The following KDM4B variants were observed in gnomAD, a reference collection of about 807,000 sequenced individuals.
The protein encoded by KDM4B is lysine demethylase 4B.
Under a neutral mutation model 125.2 loss-of-function variants are expected in KDM4B, and 32 were observed. The observed-to-expected ratio is 0.26, with a 90% confidence interval of 0.19 to 0.34. The LOEUF (loss-of-function observed/expected upper bound fraction) is 0.34. Ranked by LOEUF, KDM4B falls within the 10% of genes least tolerant of loss-of-function variation. KDM4B has a pLI of 1.00. For synonymous variants in KDM4B, 721 were observed against 677.9 expected, an observed-to-expected ratio of 1.06 and a Z score of -0.99; for missense variants, 1,190 against 1,577.7, an observed-to-expected ratio of 0.75 and a Z score of 4.16.
chr19:5,092,269 A>C (rs1210783360), intron 9 of KDM4B, among the ~76,000 whole-genome samples: 2 of 152,080 alleles, frequency 1.3e-5, no homozygotes, highest in African/African-American at 2.4e-5. Flanking sequence ...CACGGTGCTG[A>C]GCAGTGCCCC....
At chr19:5,090,417 CCCCTCTGTCTCTCTCTCCCCCATCTCTCT>C (rs1568291574) in intron 9 of KDM4B, among the ~76,000 whole-genome samples, 1 of 78,948 alleles carries the variant, frequency 1.3e-5, no homozygotes, top group Non-Finnish European at 2.6e-5. Flanking sequence ...TCCCCCTCTC[CCCCTCTGTCTCTCTCTCCCCCATCTCTCT>C]TCCCCCTCTC....
At position 5,088,611 on chromosome 19, in the gene KDM4B, C is replaced by T. The variant is rs113918691; in HGVS notation, c.918+6107C>T. Among the ~76,000 whole-genome samples the T allele has an allele frequency of 7.2e-3, 1,084 of 151,538 alleles. 16 individuals are homozygous for T. Among genetic ancestry groups the T allele is most frequent in the African/African-American group, 0.022 (907 of 41,316 alleles). Reference sequence around the variant, plus strand: ...TGGGCCAGGGCTGAGCAGAGACCACCGGAGTCCCTGAGGGGGCCCCTGAGG... The same window carrying T: ...TGGGCCAGGGCTGAGCAGAGACCACTGGAGTCCCTGAGGGGGCCCCTGAGG... On this transcript the variant is annotated intron_variant, in intron 9 of 22. Coordinates refer to ENST00000159111, the MANE Select transcript of KDM4B (RefSeq NM_015015.3).
intron 2 of KDM4B, among the ~76,000 whole-genome samples, chr19:5,031,082 C>T (rs1441179241): frequency 5.9e-5 from 9 of 152,216 alleles, no homozygotes; most frequent in South Asian, 2.1e-4. Context: ...CCCTCTGAGC[C>T]GGTGGCTCCC....
At chr19:5,076,933 G>C (rs953274364) in intron 7 of KDM4B, 3 of 178,658 alleles carry the variant, frequency 1.7e-5, no homozygotes, top group African/African-American at 7.1e-5. Flanking sequence ...TGTCTGGGGA[G>C]GTCGGAGGAG....
chr19:5,087,343 G>A (rs2038537824), intron 9 of KDM4B, among the ~76,000 whole-genome samples: 1 of 152,232 alleles, frequency 6.6e-6, no homozygotes, highest in Non-Finnish European at 1.5e-5. Flanking sequence ...TCTGTGTGGG[G>A]GAGGTACGGC....
rs1431376002 is a variant in KDM4B, at chr19:5,153,357, G to A, written c.*1846G>A. ...GGTGCCCCTGCTGCCCTTGTCCCTTGGGGGTCACACCCATCCCCTGGTGGG... is the reference window on the plus strand; with the variant it reads ...GGTGCCCCTGCTGCCCTTGTCCCTTAGGGGTCACACCCATCCCCTGGTGGG... On this transcript the variant is annotated 3_prime_UTR_variant, in exon 23 of 23. Coordinates refer to ENST00000159111, the MANE Select transcript of KDM4B (RefSeq NM_015015.3). The A allele has an allele frequency of 6.6e-6, 1 of 152,288 alleles. No homozygotes were observed. Among genetic ancestry groups the A allele is most frequent in the Non-Finnish European group, 1.5e-5 (1 of 68,094 alleles). 9.4% of individuals were successfully genotyped at this position (152,288 alleles called of 1,614,324 possible). A position where few individuals can be genotyped will look rare whatever the true frequency, so the allele number is the denominator to read the frequency against.
intron 1 of KDM4B, among the ~76,000 whole-genome samples, chr19:4,993,494 C>T (rs2035094151): frequency 6.6e-6 from 1 of 150,642 alleles, no homozygotes; most frequent in Non-Finnish European, 1.5e-5. Flanking sequence ...TCATTTTTTG[C>T]TTCATGTATT....
At position 5,091,528 on chromosome 19, in the gene KDM4B, C is replaced by T. The variant is rs186522867; in HGVS notation, c.918+9024C>T. ...CACCACCCATCTCCTCCCACCTCCC[C>T]GCATCCAGGCTGGATGGGGGCTCCG... On this transcript the variant is annotated intron_variant, in intron 9 of 22. Transcript: ENST00000159111. 4.6e-3 allele frequency among the ~76,000 whole-genome samples: 707 copies of T among 152,318 alleles called. 4 individuals carry two copies. The highest frequency in any genetic ancestry group is 0.02 in the South Asian group (98 of 4,832).
At chr19:5,089,335 C>T (rs2038613247) in intron 9 of KDM4B, among the ~76,000 whole-genome samples, 1 of 152,222 alleles carries the variant, frequency 6.6e-6, no homozygotes, top group Non-Finnish European at 1.5e-5. Flanking sequence ...GGTTCTGTCT[C>T]TGGAACACGT....
rs560822471 is a variant in KDM4B, at chr19:5,150,395, G to C, written c.3059G>C (p.Arg1020Pro). 3 of 1,551,288 alleles carry C rather than the reference G, an allele frequency of 1.9e-6. No homozygotes were observed. In the South Asian group the frequency reaches 3.6e-5, roughly 18 times the overall value. The change falls in exon 22 of 23, where the codon CGT (arginine) becomes CCT (proline). Residue 1020 changes from arginine to proline, a missense_variant. Around this residue, in one of 7 missense-constraint regions of KDM4B, gnomAD observed 298 missense variants for 439.7 expected, o/e 0.68. Coordinates refer to ENST00000159111, the MANE Select transcript of KDM4B (RefSeq NM_015015.3). Reference protein sequence around the residue: ...FEDGSQLTVKRGDIFTLEEEL... With the variant: ...FEDGSQLTVKPGDIFTLEEEL... ...GACGGGTCCCAGCTGACGGTGAAGCGTGGGGACATCTTCACCCTGGAGGAG... is the reference window on the plus strand; with the variant it reads ...GACGGGTCCCAGCTGACGGTGAAGCCTGGGGACATCTTCACCCTGGAGGAG...
intron 1 of KDM4B, among the ~76,000 whole-genome samples, chr19:5,008,612 A>T: frequency 7.5e-6 from 1 of 133,952 alleles, no homozygotes. Context: ...TTTTTTTGAG[A>T]CAGAGTCTTA....
At chr19:5,119,405 G>A (rs1483027067) in intron 10 of KDM4B, among the ~76,000 whole-genome samples, 1 of 152,108 alleles carries the variant, frequency 6.6e-6, no homozygotes, top group East Asian at 1.9e-4. Context: ...TCCCCCGCTT[G>A]ACACCGTCCC....
chr19:5,138,173 C>G, intron 18 of KDM4B, 103 bp downstream of exon 18: 1 of 838,018 alleles, frequency 1.2e-6, no homozygotes. Context: ...CCTCCAAGCT[C>G]TGCGTCTCCA....
intron 6 of KDM4B, among the ~76,000 whole-genome samples, chr19:5,070,273 C>G (rs558690076): frequency 6.6e-6 from 1 of 152,078 alleles, no homozygotes; most frequent in Non-Finnish European, 1.5e-5. Context: ...CTTCTCGCTC[C>G]CCCTCAAGGC....
At chr19:5,049,914 G>A (rs921249350) in intron 6 of KDM4B, among the ~76,000 whole-genome samples, 3 of 152,108 alleles carry the variant, frequency 2.0e-5, no homozygotes, top group African/African-American at 7.2e-5. Flanking sequence ...GCAGGGGGGT[G>A]GGGACAAGGT....
At chr19:5,021,824 C>T (rs1247155989) in intron 2 of KDM4B, among the ~76,000 whole-genome samples, 1 of 151,932 alleles carries the variant, frequency 6.6e-6, no homozygotes, top group Non-Finnish European at 1.5e-5. Context: ...TTAGTAGAGA[C>T]AGGGTTTCAC....
In KDM4B at chr19:5,151,636, G is replaced by T; in HGVS notation, c.*125G>T. ...CCGAGAGGCCACCTCCAAGCCGCGG[G>T]TGCCCCCTAGGGCGACAGGAGCCAG... On this transcript the variant is annotated 3_prime_UTR_variant, in exon 23 of 23. Transcript: ENST00000159111. 1 of 885,732 alleles carries T rather than the reference G, an allele frequency of 1.1e-6. No homozygotes were observed. The highest frequency in any genetic ancestry group is 4.3e-5 in the Admixed American group (1 of 23,338). 54.9% of individuals were successfully genotyped at this position (885,732 alleles called of 1,614,324 possible). A position where few individuals can be genotyped will look rare whatever the true frequency, so the allele number is the denominator to read the frequency against.
intron 9 of KDM4B, among the ~76,000 whole-genome samples, chr19:5,109,118 G>GCA (rs1342711523): frequency 2.0e-5 from 3 of 152,222 alleles, no homozygotes; most frequent in Non-Finnish European, 4.4e-5. Flanking sequence ...TGCTTTAGAG[G>GCA]CACGGTGCAG....
At chr19:4,981,934 C>T (rs1037963611) in intron 1 of KDM4B, among the ~76,000 whole-genome samples, 6 of 152,158 alleles carry the variant, frequency 3.9e-5, no homozygotes, top group African/African-American at 1.4e-4. Context: ...CTGCCTCACA[C>T]CATGGCCAGA....
Sources: allele counts gnomAD v4.1 joint callset (sites outside exome capture counted in the v4.1 genomes callset), GRCh38; gene constraint gnomAD v4.1.1; regional missense constraint gnomAD v4.1.1; transcripts MANE v1.5; gene names NCBI Gene and HGNC (gene_info 2026-07-23, HGNC 2026-07-21).